VPS13A: variants seen among roughly 807,000 people sequenced by gnomAD.
The protein encoded by VPS13A is vacuolar protein sorting 13 homolog A, also known as intermembrane lipid transfer protein VPS13A.
Under a neutral mutation model 390.9 loss-of-function variants are expected in VPS13A, and 264 were observed. The observed-to-expected ratio is 0.68, with a 90% confidence interval of 0.61 to 0.75. VPS13A has a LOEUF of 0.75. Ranked by LOEUF, VPS13A falls within the 30% of genes least tolerant of loss-of-function variation. The pLI is 0.00. For synonymous variants in VPS13A, 1,231 were observed against 1,227.1 expected, an observed-to-expected ratio of 1.00 and a Z score of -0.07; for missense variants, 3,409 against 3,733.9, an observed-to-expected ratio of 0.91 and a Z score of 2.27.
At chr9:77,325,349 A>C (rs1433402820) in intron 45 of VPS13A, among the ~76,000 whole-genome samples, 1 of 151,002 alleles carries the variant, frequency 6.6e-6, no homozygotes, top group African/African-American at 2.4e-5. Context: ...GGACCCATGC[A>C]TTAAAGTATA....
At chr9:77,329,770 A>C (rs1327678464) in intron 45 of VPS13A, among the ~76,000 whole-genome samples, 1 of 152,236 alleles carries the variant, frequency 6.6e-6, no homozygotes, top group Non-Finnish European at 1.5e-5. Flanking sequence ...GCAAAACATT[A>C]TAAAACAAGG....
intron 52 of VPS13A, among the ~76,000 whole-genome samples, chr9:77,349,292 AT>A (rs999146979): frequency 2.0e-5 from 3 of 150,946 alleles, no homozygotes; most frequent in East Asian, 1.9e-4. Context: ...TCAAAGCACA[AT>A]TTTTTTTTCT....
At chr9:77,290,323 G>T (rs7875462) in intron 31 of VPS13A, among the ~76,000 whole-genome samples, 48,022 of 151,868 alleles carry the variant, frequency 0.32, 8,073 homozygotes, top group African/African-American at 0.4. Context: ...GTACATAATT[G>T]GTCATCTTTT....
At chr9:77,222,277 A>G (rs919130265) in intron 13 of VPS13A, among the ~76,000 whole-genome samples, 2 of 152,144 alleles carry the variant, frequency 1.3e-5, no homozygotes, top group Admixed American at 6.6e-5. Flanking sequence ...GAGTCCTCCA[A>G]GTCTGGATAG....
At chr9:77,385,261 C>T (rs1833633100) in intron 68 of VPS13A, 1 of 688,966 alleles carries the variant, frequency 1.5e-6, no homozygotes, top group Admixed American at 6.3e-5. Context: ...ACAGTCATGG[C>T]CTCTCATGGA....
chr9:77,367,775 T>C (rs1167879791), intron 61 of VPS13A, among the ~76,000 whole-genome samples: 1 of 152,222 alleles, frequency 6.6e-6, no homozygotes, highest in African/African-American at 2.4e-5. Context: ...ATGAATGGGA[T>C]TCACAGGATC....
chr9:77,310,550 T>C (rs1204431593), intron 35 of VPS13A, among the ~76,000 whole-genome samples: 2 of 152,224 alleles, frequency 1.3e-5, no homozygotes, highest in Non-Finnish European at 2.9e-5. Flanking sequence ...AGAGAACCTC[T>C]TATTTTTCAG....
chr9:77,240,578 A>G (rs1309372099), intron 19 of VPS13A, among the ~76,000 whole-genome samples: 2 of 150,842 alleles, frequency 1.3e-5, no homozygotes, highest in African/African-American at 2.4e-5. Flanking sequence ...CCCAGGTTCA[A>G]GCAATTTTTT....
Position 77,281,930 on chromosome 9 carries a change from T to G in VPS13A, c.2964+4T>G, listed in dbSNP as rs1477987937. The G allele has an allele frequency of 2.6e-6, 4 of 1,537,868 alleles. No individual in the cohort carries two copies. The African/African-American group carries it at 5.5e-5, about 21-fold the overall frequency. ...CAATGTTTTACAATTGATTAAGGTATGAGTAGATAATTTATTTTTTAATTA... is the reference window on the plus strand; with the variant it reads ...CAATGTTTTACAATTGATTAAGGTAGGAGTAGATAATTTATTTTTTAATTA... On this transcript the variant is annotated splice_donor_region_variant and intron_variant, in intron 28 of 71. Coordinates refer to ENST00000360280, the MANE Select transcript of VPS13A (RefSeq NM_033305.3).
chr9:77,233,336 C>T (rs1403346811), intron 17 of VPS13A, among the ~76,000 whole-genome samples: 1 of 151,386 alleles, frequency 6.6e-6, no homozygotes, highest in Non-Finnish European at 1.5e-5. Context: ...AATATGTTAA[C>T]CTTTTCAAAG....
chr9:77,250,381 G>A, intron 21 of VPS13A, 152 bp downstream of exon 21: 1 of 1,004,254 alleles, frequency 1.0e-6, no homozygotes, highest in South Asian at 1.5e-5. Flanking sequence ...GTTCTTACCA[G>A]GAGCAGTCTT....
intron 10 of VPS13A, 132 bp downstream of exon 10, chr9:77,214,518 A>G (rs1021259947): frequency 2.6e-5 from 16 of 611,784 alleles, no homozygotes; most frequent in Non-Finnish European, 4.0e-5. Flanking sequence ...TATAATGTAT[A>G]TACAAAAGCA....
Position 77,315,279 on chromosome 9 carries a change from A to G in VPS13A, c.4439A>G (p.Asp1480Gly). Residue 1480 changes from aspartate (D) to glycine (G), a missense_variant, in exon 38 of 72, where the codon GAC becomes GGC. Coordinates refer to ENST00000360280, the MANE Select transcript of VPS13A (RefSeq NM_033305.3). ...PRMIGLTVGFDKKDMMDIKYR... is the reference protein window; with the variant it reads ...PRMIGLTVGFGKKDMMDIKYR... The stretch of plus-strand genomic sequence containing the variant: ...ATGATAGGACTGACAGTTGGTTTTG[A>G]CAAAAAAGACATGATGGATATAAAG... The G allele has an allele frequency of 1.2e-6, 2 of 1,613,930 alleles. No individual in the cohort carries two copies. Among genetic ancestry groups the G allele is most frequent in the Non-Finnish European group, 1.7e-6 (2 of 1,179,816 alleles).
intron 22 of VPS13A, among the ~76,000 whole-genome samples, chr9:77,258,772 C>G (rs879013556): frequency 6.6e-6 from 1 of 151,956 alleles, no homozygotes; most frequent in Admixed American, 6.6e-5. Flanking sequence ...GATTAAAGAT[C>G]TGTGCGATTT....
At chr9:77,275,970 T>G in intron 25 of VPS13A, 95 bp from the exon 26 acceptor site, 1 of 1,271,618 alleles carries the variant, frequency 7.9e-7, no homozygotes, top group Non-Finnish European at 1.1e-6. Context: ...ATATATCAAT[T>G]GTATGTATAC....
At position 77,200,000 on chromosome 9, in the gene VPS13A, C is replaced by T; in HGVS notation, c.144+12C>T. On this transcript the variant is annotated intron_variant, in intron 2 of 71. Coordinates refer to ENST00000360280, the MANE Select transcript of VPS13A (RefSeq NM_033305.3). The stretch of plus-strand genomic sequence containing the variant: ...AAGAAAATGCCCTGGTAGGTTTTGA[C>T]TATGAAAAATTTGTAAAGTTATTGC... 1 of 1,602,782 alleles carries T rather than the reference C, an allele frequency of 6.2e-7. No homozygotes were observed. The highest frequency in any genetic ancestry group is 8.5e-7 in the Non-Finnish European group (1 of 1,172,536).
intron 1 of VPS13A, among the ~76,000 whole-genome samples, chr9:77,199,563 C>T (rs1209909074): frequency 2.0e-5 from 3 of 152,028 alleles, no homozygotes; most frequent in East Asian, 3.8e-4. Context: ...TTGGGGCTTA[C>T]TGATTTTGCA....
At chr9:77,202,805 T>TA (rs1281687974) in intron 3 of VPS13A, among the ~76,000 whole-genome samples, 1 of 152,180 alleles carries the variant, frequency 6.6e-6, no homozygotes, top group Non-Finnish European at 1.5e-5. Flanking sequence ...TAGTAGAAAG[T>TA]ACACTGAACT....
Position 77,295,774 on chromosome 9 carries a change from C to G in VPS13A, c.3740C>G (p.Thr1247Arg). The change falls in exon 33 of 72, where the codon ACA (threonine) becomes AGA (arginine). Residue 1247 changes from threonine to arginine, a missense_variant. This residue lies in a region of VPS13A where 2,717 missense variants were observed against 2,917.4 expected (regional missense o/e 0.93). Transcript: ENST00000360280. ...ITMTNTFHMI[T>R]ESQSSPPPVI... ...ATGACAAATACCTTTCATATGATAA[C>G]AGAGAGCCAGAGCTCTCCCCCACCT... 1 of 1,613,994 alleles carries G rather than the reference C, an allele frequency of 6.2e-7. No homozygotes were observed. The highest frequency in any genetic ancestry group is 1.1e-5 in the South Asian group (1 of 91,088).
Sources: gnomAD v4.1 joint callset for allele counts (sites outside exome capture counted in the v4.1 genomes callset) on GRCh38, gnomAD v4.1.1 for gene constraint, gnomAD v4.1.1 regional missense constraint, MANE v1.5 for transcripts, NCBI Gene and HGNC (gene_info 2026-07-23, HGNC 2026-07-21) for gene names.